Variants in OSGIN2 observed in about 807,000 individuals in gnomAD.
OSGIN2 encodes the protein oxidative stress induced growth inhibitor family member 2.
A neutral mutation model predicts 53.8 loss-of-function variants in OSGIN2; 19 were observed. The ratio of observed to expected loss-of-function variants is 0.35; its 90% CI spans 0.25 to 0.52. The LOEUF (loss-of-function observed/expected upper bound fraction) is 0.52. OSGIN2 is among the 20% of genes least tolerant of loss of function. OSGIN2 has a pLI of 0.95. For synonymous variants in OSGIN2, 236 were observed against 236.0 expected, an observed-to-expected ratio of 1.00 and a Z score of 0.00; for missense variants, 520 against 662.7, an observed-to-expected ratio of 0.78 and a Z score of 2.36.
rs760831866 is a variant in OSGIN2 at position 89,925,278 on chromosome 8, C to G, written c.1396C>G (p.Leu466Val). Residue 466 changes from leucine to valine, a missense_variant, in exon 6 of 6, where the codon CTG becomes GTG. Leu to Val is a conservative substitution (Grantham distance 32). Around this residue, in one of 3 missense-constraint regions of OSGIN2, gnomAD observed 239 missense variants for 328.3 expected, o/e 0.73. Coordinates refer to ENST00000451899, the MANE Select transcript of OSGIN2 (RefSeq NM_001126111.3). ...AGGTTCTCATCCTAATCTGTCTTTT[C>G]TGAAGGATCAAGGGTGTTACCTAGG... Reference protein sequence around the residue: ...LIGSHPNLSFLKDQGCYLGHK... With the variant: ...LIGSHPNLSFVKDQGCYLGHK... 3.1e-6 allele frequency: 5 copies of G among 1,614,152 alleles called. No homozygotes were observed. Among genetic ancestry groups the G allele is most frequent in the Non-Finnish European group, 4.2e-6 (5 of 1,180,004 alleles).
At chr8:89,906,523 A>T (rs1808842099) in intron 1 of OSGIN2, among the ~76,000 whole-genome samples, 2 of 152,088 alleles carry the variant, frequency 1.3e-5, no homozygotes. Flanking sequence ...AAGTGACAAC[A>T]TGTGGTCTTT....
chr8:89,924,103 A>G (rs555169606), intron 5 of OSGIN2, among the ~76,000 whole-genome samples: 2 of 152,340 alleles, frequency 1.3e-5, no homozygotes, highest in African/African-American at 4.8e-5. Flanking sequence ...TAGGCCTGTA[A>G]TATCTCAATG....
At chr8:89,902,344 G>C (rs1476057210), upstream of OSGIN2, among the ~76,000 whole-genome samples, 1 of 152,148 alleles carries the variant, frequency 6.6e-6, no homozygotes, top group Non-Finnish European at 1.5e-5. Flanking sequence ...TCTAGGTCTC[G>C]ATTGCCGCCG....
chr8:89,920,936 C>T, intron 4 of OSGIN2, 144 bp from the exon 5 acceptor site: 1 of 511,248 alleles, frequency 2.0e-6, no homozygotes, highest in South Asian at 3.6e-5. Flanking sequence ...GGTAAGTTAG[C>T]CAACCATTTA....
chr8:89,920,753 A>G (rs576312931), intron 4 of OSGIN2, among the ~76,000 whole-genome samples: 30 of 152,374 alleles, frequency 2.0e-4, no homozygotes, highest in African/African-American at 6.7e-4. Flanking sequence ...TTTCCCTGAC[A>G]TAATATTGTA....
rs1809358475 is a variant in OSGIN2 at position 89,927,248 on chromosome 8, C to G, written c.*1716C>G. Reference sequence around the variant, plus strand: ...TGACATCCCCTTGTGTCTCAAAAGTCCACAGTTATTCAAACAATGGCTTTT... The same window carrying G: ...TGACATCCCCTTGTGTCTCAAAAGTGCACAGTTATTCAAACAATGGCTTTT... On this transcript the variant is annotated 3_prime_UTR_variant, in exon 6 of 6. Transcript: ENST00000451899. The G allele has an allele frequency of 6.6e-6, 1 of 151,368 alleles. No individual in the cohort carries two copies. Among genetic ancestry groups the G allele is most frequent in the Non-Finnish European group, 1.5e-5 (1 of 67,924 alleles). The allele number at this position is 151,368 out of a possible 1,614,324, so 9.4% of individuals were successfully genotyped here.
Position 89,909,477 on chromosome 8 carries a change from T to C in OSGIN2, c.45-90T>C, listed in dbSNP as rs911579205. On this transcript the variant is annotated intron_variant, in intron 1 of 5. Coordinates refer to ENST00000451899, the MANE Select transcript of OSGIN2 (RefSeq NM_001126111.3). ...CTTTTATGGAATGATTAAAATATTT[T>C]ATGTCTAAATAAACTCGGAGTAGAG... 5 of 639,644 alleles carry C rather than the reference T, an allele frequency of 7.8e-6. No individual in the cohort carries two copies. In the African/African-American group the frequency reaches 9.4e-5, roughly 12 times the overall value. The allele number at this position is 639,644 out of a possible 1,614,324, so 39.6% of individuals were successfully genotyped here. A position where few individuals can be genotyped will look rare whatever the true frequency, so the allele number is the denominator to read the frequency against.
At chr8:89,914,781 G>A (rs371340479) in intron 4 of OSGIN2, 35 bp downstream of exon 4, 3 of 1,506,830 alleles carry the variant, frequency 2.0e-6, no homozygotes, top group Non-Finnish European at 1.8e-6. Context: ...TAGTGTATGT[G>A]AATTATTTGT....
At chr8:89,911,468 A>G (rs1253989953) in intron 2 of OSGIN2, among the ~76,000 whole-genome samples, 3 of 152,004 alleles carry the variant, frequency 2.0e-5, no homozygotes, top group Admixed American at 6.6e-5. Flanking sequence ...CGTCTCTACT[A>G]AAAATACAAA....
chr8:89,916,035 TAAG>T (rs1809072356), intron 4 of OSGIN2, among the ~76,000 whole-genome samples: 1 of 140,824 alleles, frequency 7.1e-6, no homozygotes. Flanking sequence ...CAATACAAGA[TAAG>T]AAAGAATTCT....
chr8:89,918,080 C>G (rs1273031621), intron 4 of OSGIN2, among the ~76,000 whole-genome samples: 1 of 152,220 alleles, frequency 6.6e-6, no homozygotes, highest in African/African-American at 2.4e-5. Flanking sequence ...CTTACTCACT[C>G]TACCTTCTGC....
rs1170619566 is a variant in OSGIN2, at chr8:89,927,497, C to G, written c.*1965C>G. ...AAATTTCTGTCCCGTAATTCTAACA[C>G]TTTACATTTTTTCTTTGCTATCAGC... On this transcript the variant is annotated 3_prime_UTR_variant, in exon 6 of 6. Coordinates refer to ENST00000451899, the MANE Select transcript of OSGIN2 (RefSeq NM_001126111.3). 1 of 152,184 alleles carries G rather than the reference C, an allele frequency of 6.6e-6. No homozygotes were observed. The highest frequency in any genetic ancestry group is 1.5e-5 in the Non-Finnish European group (1 of 68,036). 9.4% of individuals were successfully genotyped at this position (152,184 alleles called of 1,614,324 possible).
intron 1 of OSGIN2, among the ~76,000 whole-genome samples, chr8:89,906,451 C>A (rs1408633338): frequency 1.3e-5 from 2 of 150,556 alleles, no homozygotes; most frequent in Admixed American, 1.3e-4. Flanking sequence ...CTCGGGTGGG[C>A]CCCAGTGTGT....
At chr8:89,902,016 C>T (rs1005544907), upstream of OSGIN2, 2 of 152,506 alleles carry the variant, frequency 1.3e-5, no homozygotes, top group African/African-American at 4.8e-5. Flanking sequence ...GGGTCCCGGG[C>T]ACCTGTGGTT....
intron 4 of OSGIN2, among the ~76,000 whole-genome samples, chr8:89,916,724 TAAAC>T (rs961959948): frequency 2.0e-5 from 3 of 150,844 alleles, no homozygotes; most frequent in African/African-American, 7.5e-5. Flanking sequence ...AATTTTGTGA[TAAAC>T]AACTTGTTTG....
intron 2 of OSGIN2, among the ~76,000 whole-genome samples, chr8:89,912,388 C>A (rs920725181): frequency 6.6e-6 from 1 of 152,110 alleles, no homozygotes; most frequent in Non-Finnish European, 1.5e-5. Context: ...GAGACCATGG[C>A]GTTGCAGTAA....
intron 1 of OSGIN2, 46 bp downstream of exon 1, chr8:89,902,883 C>A: frequency 2.3e-6 from 3 of 1,289,640 alleles, no homozygotes; most frequent in Middle Eastern, 2.1e-4. Flanking sequence ...GGGGATGCCG[C>A]GCTCTCGAGC....
chr8:89,903,689 A>G (rs959863407), intron 1 of OSGIN2, among the ~76,000 whole-genome samples: 6 of 152,230 alleles, frequency 3.9e-5, no homozygotes, highest in Non-Finnish European at 5.9e-5. Flanking sequence ...ACTAAATTTT[A>G]AAAACTAATA....
Position 89,925,408 on chromosome 8 carries a change from T to C in OSGIN2, c.1526T>C (p.Leu509Ser). The C allele has an allele frequency of 6.2e-7, 1 of 1,614,134 alleles. No homozygotes were observed. Among genetic ancestry groups the C allele is most frequent in the Non-Finnish European group, 8.5e-7 (1 of 1,179,990 alleles). ...GCCAACCTTTTTGCATTGGGTCCTT[T>C]GGTTGGAGACAATTTTGTTCGATTT... The part of the protein sequence containing the change: ...KEANLFALGP[L>S]VGDNFVRFLK... Residue 509 changes from leucine (L) to serine (S), a missense_variant, in exon 6 of 6, where the codon TTG becomes TCG. Leu to Ser is a moderately radical substitution (Grantham distance 145). This residue lies in a region of OSGIN2 where 239 missense variants were observed against 328.3 expected (regional missense o/e 0.73). Transcript: ENST00000451899.
Sources: allele counts gnomAD v4.1 joint callset (sites outside exome capture counted in the v4.1 genomes callset), GRCh38; gene constraint gnomAD v4.1.1; regional missense constraint gnomAD v4.1.1; transcripts MANE v1.5; gene names NCBI Gene and HGNC (gene_info 2026-07-23, HGNC 2026-07-21).